Variants in BCAR1 observed in about 807,000 individuals in gnomAD.
BCAR1 encodes the protein breast cancer anti-estrogen resistance protein 1.
In BCAR1, 30 loss-of-function variants were observed where a neutral mutation model predicts 67.6. That is an observed-to-expected ratio of 0.44 (90% CI 0.33 to 0.60). BCAR1 has a LOEUF of 0.60. Among genes scored for constraint, BCAR1 ranks in the 20% least tolerant of loss-of-function variants. The probability of loss-of-function intolerance (pLI) is 0.02; values close to 1 mark genes in which losing one functional copy is unlikely to be tolerated. For synonymous variants in BCAR1, 626 were observed against 556.7 expected, an observed-to-expected ratio of 1.12 and a Z score of -1.75; for missense variants, 1,313 against 1,222.3, an observed-to-expected ratio of 1.07 and a Z score of -1.11.
At position 75,229,954 on chromosome 16, in the gene BCAR1, G is replaced by C. The variant is rs141868789; in HGVS notation, c.2170C>G (p.Pro724Ala). The stretch of plus-strand genomic sequence containing the variant: ...CGCCCCGGGGCCAGGGGTTGGGCTG[G>C]CGTCCAGTTGGCCAGGTCGTGGTCT... ...PIDHDLANWT[P>A]AQPLAPGRTG... The change falls in exon 7 of 7, where the codon CCA (proline) becomes GCA (alanine). Residue 724 changes from proline (P) to alanine (A), a missense_variant. Pro to Ala is a conservative substitution (Grantham distance 27). Coordinates refer to ENST00000162330, the MANE Select transcript of BCAR1 (RefSeq NM_014567.5). The C allele has an allele frequency of 4.9e-5, 79 of 1,597,158 alleles. No individual in the cohort carries two copies. Among genetic ancestry groups the C allele is most frequent in the Non-Finnish European group, 6.5e-5 (76 of 1,169,250 alleles).
intron 1 of BCAR1, among the ~76,000 whole-genome samples, chr16:75,257,639 GA>G (rs2077810171): frequency 6.6e-6 from 1 of 152,114 alleles, no homozygotes; most frequent in African/African-American, 2.4e-5. Flanking sequence ...ATTTTTTGTA[GA>G]AATGGGGTTT....
chr16:75,250,852 G>A (rs146202479), intron 1 of BCAR1: 26,219 of 985,482 alleles, frequency 0.027, 446 homozygotes, highest in Middle Eastern at 0.11. Flanking sequence ...GGCTTCCACC[G>A]GCGCTCGGCG....
At chr16:75,264,728 G>C in intron 1 of BCAR1, 1 of 1,107,922 alleles carries the variant, frequency 9.0e-7, no homozygotes, top group South Asian at 4.6e-5. Flanking sequence ...TTAATGAAGA[G>C]GCCACTTGCC....
At chr16:75,251,910 A>T, upstream of BCAR1, 1 of 458,266 alleles carries the variant, frequency 2.2e-6, no homozygotes, top group South Asian at 2.5e-5. Flanking sequence ...GCGAGAACGC[A>T]CCGAAGGCCT....
At chr16:75,250,806 A>ACTCGC in intron 1 of BCAR1, 1 of 985,172 alleles carries the variant, frequency 1.0e-6, no homozygotes, top group South Asian at 4.7e-5. Flanking sequence ...CTCCCGCGAC[A>ACTCGC]CTCGCGTGCG....
intron 1 of BCAR1, chr16:75,248,440 T>G: frequency 1.0e-6 from 1 of 968,838 alleles, no homozygotes; most frequent in Non-Finnish European, 1.3e-6. Context: ...CCAATAAGCA[T>G]GCGCCCAACT....
chr16:75,250,301 T>TG (rs1053521156), intron 1 of BCAR1, among the ~76,000 whole-genome samples: 1 of 150,890 alleles, frequency 6.6e-6, no homozygotes, highest in African/African-American at 2.4e-5. Flanking sequence ...CCCCCGTACC[T>TG]GGGCCCCGAT....
At chr16:75,236,074 A>G in intron 4 of BCAR1, 88 bp from the exon 5 acceptor site, 1 of 1,448,578 alleles carries the variant, frequency 6.9e-7, no homozygotes, top group South Asian at 1.4e-5. Flanking sequence ...ACACACACAC[A>G]CACGTACACA....
chr16:75,235,790 T>A lies in BCAR1; in HGVS notation c.1109A>T (p.Asp370Val). Reference sequence around the variant, plus strand: ...CAAGCCAGGGGGCACGTCGTAGAGGTCAGGAGCCGGGGGCGGCACGTCATA... The same window carrying A: ...CAAGCCAGGGGGCACGTCGTAGAGGACAGGAGCCGGGGGCGGCACGTCATA... ...DVYDVPPPAP[D>V]LYDVPPGLRR... is the part of the protein sequence containing the mutation. Residue 370 changes from aspartate to valine, a missense_variant, in exon 5 of 7, where the codon GAC becomes GTC. Transcript: ENST00000162330. The A allele has an allele frequency of 1.9e-6, 3 of 1,594,192 alleles. No individual in the cohort carries two copies. Among genetic ancestry groups the A allele is most frequent in the Non-Finnish European group, 2.6e-6 (3 of 1,169,720 alleles).
chr16:75,265,702 A>T, intron 1 of BCAR1: 1 of 1,032,678 alleles, frequency 9.7e-7, no homozygotes, highest in Non-Finnish European at 1.2e-6. Flanking sequence ...GGGGCCGAGG[A>T]GGCCCCAGTG....
chr16:75,266,070 C>T (rs890795394), intron 1 of BCAR1: 2 of 1,013,542 alleles, frequency 2.0e-6, no homozygotes, highest in African/African-American at 1.7e-5. Context: ...GGTGAGGACC[C>T]CGGACCTAGG....
At chr16:75,266,014 C>G in intron 1 of BCAR1, 1 of 1,027,246 alleles carries the variant, frequency 9.7e-7, no homozygotes, top group Non-Finnish European at 1.2e-6. Flanking sequence ...GCATGCGCCG[C>G]CCGCGCCGCC....
chr16:75,251,419 C>A, intron 1 of BCAR1, 52 bp downstream of exon 1: 1 of 1,479,030 alleles, frequency 6.8e-7, no homozygotes. Context: ...CCCTTCCAGC[C>A]CGCTGCCGCC....
intron 1 of BCAR1, chr16:75,265,875 C>A: frequency 8.7e-7 from 1 of 1,155,730 alleles, no homozygotes; most frequent in Non-Finnish European, 1.1e-6. Flanking sequence ...GCAGCGGCGC[C>A]AGCGGGCTGG....
In BCAR1 at chr16:75,234,811, G is replaced by T. The variant is rs1026836158; in HGVS notation, c.2010+78C>A. 2.0e-6 allele frequency: 3 copies of T among 1,502,374 alleles called. No homozygotes were observed. In the African/African-American group the frequency reaches 4.2e-5, roughly 21 times the overall value. The allele number at this position is 1,502,374 out of a possible 1,614,324, so 93.1% of individuals were successfully genotyped here. On this transcript the variant is annotated intron_variant, in intron 5 of 6. Coordinates refer to ENST00000162330, the MANE Select transcript of BCAR1 (RefSeq NM_014567.5). The stretch of plus-strand genomic sequence containing the variant: ...GGGCCTTGCCAGGGACCAGGCCCCA[G>T]CTGAGAACAAATCTCCCCCTAAGCA...
intron 1 of BCAR1, chr16:75,265,950 C>A: frequency 9.2e-7 from 1 of 1,082,586 alleles, no homozygotes; most frequent in Non-Finnish European, 1.1e-6. Context: ...CCGGCTCCTC[C>A]GGCTCCTGAG....
At chr16:75,244,139 G>A (rs953898455) in intron 1 of BCAR1, among the ~76,000 whole-genome samples, 12 of 152,172 alleles carry the variant, frequency 7.9e-5, no homozygotes, top group Non-Finnish European at 2.9e-5. Context: ...CTGGGCTCCA[G>A]CCACCCCACC....
intron 1 of BCAR1, chr16:75,249,242 G>T (rs889979073): frequency 6.6e-6 from 1 of 152,220 alleles, no homozygotes; most frequent in African/African-American, 2.4e-5. Context: ...CTGACTTCAG[G>T]GACAGCACCA....
At chr16:75,257,394 G>A (rs1476879079) in intron 1 of BCAR1, among the ~76,000 whole-genome samples, 1 of 152,204 alleles carries the variant, frequency 6.6e-6, no homozygotes, top group Non-Finnish European at 1.5e-5. Flanking sequence ...GGGGCTCTGG[G>A]TGGCAGTGAC....
Sources: gnomAD v4.1 joint callset for allele counts (sites outside exome capture counted in the v4.1 genomes callset) on GRCh38, gnomAD v4.1.1 for gene constraint, MANE v1.5 for transcripts, NCBI Gene and HGNC (gene_info 2026-07-23, HGNC 2026-07-21) for gene names.